CTNND2: variants seen among roughly 807,000 people sequenced by gnomAD.
CTNND2 encodes catenin delta-2.
CTNND2 carries 22 observed loss-of-function variants against 144.4 expected under a neutral mutation model. That is an observed-to-expected ratio of 0.15 (90% confidence interval 0.11 to 0.22). CTNND2 has a LOEUF of 0.22. CTNND2 is among the 10% of genes least tolerant of loss of function. CTNND2 has a pLI of 1.00. For missense variants in CTNND2, 1,353 were observed against 1,618.8 expected (o/e 0.84, Z 2.82); for synonymous variants, 751 against 695.6 (o/e 1.08, Z -1.25).
intron 3 of CTNND2, among the ~76,000 whole-genome samples, chr5:11,431,626 C>T (rs542814510): frequency 6.6e-6 from 1 of 152,124 alleles, no homozygotes; most frequent in South Asian, 2.1e-4. Flanking sequence ...GGGAAGCCCG[C>T]GTTAGCCAGG....
At chr5:11,175,449 A>C (rs1760388402) in intron 11 of CTNND2, among the ~76,000 whole-genome samples, 1 of 152,166 alleles carries the variant, frequency 6.6e-6, no homozygotes, top group Non-Finnish European at 1.5e-5. Context: ...CTTTACAGAA[A>C]TAGAATCCCA....
At chr5:11,038,659 G>C (rs1266844888) in intron 16 of CTNND2, among the ~76,000 whole-genome samples, 1 of 152,144 alleles carries the variant, frequency 6.6e-6, no homozygotes, top group African/African-American at 2.4e-5. Flanking sequence ...GGTGAACTTT[G>C]AATCTGAAAG....
At chr5:11,061,034 G>A (rs1746913091) in intron 16 of CTNND2, among the ~76,000 whole-genome samples, 5 of 151,996 alleles carry the variant, frequency 3.3e-5, no homozygotes, top group Non-Finnish European at 2.9e-5. Flanking sequence ...AATATTGTCG[G>A]CTTTCTACGT....
At chr5:11,782,694 T>G (rs1475487279) in intron 1 of CTNND2, among the ~76,000 whole-genome samples, 1 of 152,228 alleles carries the variant, frequency 6.6e-6, no homozygotes, top group African/African-American at 2.4e-5. Context: ...CTCTTTTCTT[T>G]TTGAACTGTC....
intron 16 of CTNND2, among the ~76,000 whole-genome samples, chr5:11,038,534 T>C (rs938288073): frequency 2.0e-4 from 31 of 152,312 alleles, no homozygotes; most frequent in African/African-American, 6.3e-4. Context: ...TTGGGGAACG[T>C]TGGCTTAGGG....
chr5:11,840,296 A>G (rs1158008876), intron 1 of CTNND2, among the ~76,000 whole-genome samples: 1 of 152,198 alleles, frequency 6.6e-6, no homozygotes, highest in Non-Finnish European at 1.5e-5. Context: ...AGTAGCATAA[A>G]TAATGTTTCT....
At chr5:11,045,130 C>T (rs1023939523) in intron 16 of CTNND2, among the ~76,000 whole-genome samples, 3 of 152,228 alleles carry the variant, frequency 2.0e-5, no homozygotes, top group African/African-American at 7.2e-5. Flanking sequence ...CTGGTGGCTC[C>T]TGACATTTAC....
At chr5:11,117,329 G>C in intron 13 of CTNND2, 121 bp downstream of exon 13, 2 of 753,028 alleles carry the variant, frequency 2.7e-6, no homozygotes, top group South Asian at 3.3e-5. Flanking sequence ...AAGGAAACCA[G>C]GAGAGAGTTC....
At chr5:11,425,426 A>T (rs749765831) in intron 3 of CTNND2, among the ~76,000 whole-genome samples, 24 of 152,162 alleles carry the variant, frequency 1.6e-4, no homozygotes, top group Non-Finnish European at 2.9e-4. Context: ...TATTTCCAGC[A>T]TTTAGCATCT....
chr5:11,475,684 C>A (rs932789736), intron 3 of CTNND2, among the ~76,000 whole-genome samples: 1 of 152,158 alleles, frequency 6.6e-6, no homozygotes, highest in African/African-American at 2.4e-5. Flanking sequence ...AATGCAGAGA[C>A]TGGCACAATG....
intron 9 of CTNND2, among the ~76,000 whole-genome samples, chr5:11,330,997 T>C (rs1753091254): frequency 6.6e-6 from 1 of 152,158 alleles, no homozygotes; most frequent in Admixed American, 6.5e-5. Flanking sequence ...ACTTCAGTCA[T>C]CTTCAAAACA....
rs74338031 is a variant in CTNND2 at position 11,457,943 on chromosome 5, G to A, written c.288-45874C>T. 7.7e-3 allele frequency among the ~76,000 whole-genome samples: 1,171 copies of A among 152,266 alleles called. 6 individuals are homozygous for A. The highest frequency in any genetic ancestry group is 0.012 in the Non-Finnish European group (842 of 68,024). ...GACGCAAGACACTGAAATCTTACTT[G>A]CATGGGCTCTGAAGTCTGACCCTTG... On this transcript the variant is annotated intron_variant, in intron 3 of 21. Transcript: ENST00000304623.
At chr5:11,072,400 C>A (rs1185363391) in intron 16 of CTNND2, among the ~76,000 whole-genome samples, 1 of 152,208 alleles carries the variant, frequency 6.6e-6, no homozygotes, top group Non-Finnish European at 1.5e-5. Flanking sequence ...AAATAAGCCA[C>A]TCTATGCTTC....
At chr5:11,578,503 A>T (rs1203190993) in intron 2 of CTNND2, among the ~76,000 whole-genome samples, 1 of 152,028 alleles carries the variant, frequency 6.6e-6, no homozygotes, top group Non-Finnish European at 1.5e-5. Context: ...TCTACTAAAA[A>T]TACAAAAATT....
intron 3 of CTNND2, among the ~76,000 whole-genome samples, chr5:11,552,910 G>C (rs899859929): frequency 1.3e-5 from 2 of 152,090 alleles, no homozygotes; most frequent in African/African-American, 4.8e-5. Context: ...CATGCATCTT[G>C]GTAAAAGCTT....
At chr5:11,338,217 T>TA (rs1286187400) in intron 9 of CTNND2, among the ~76,000 whole-genome samples, 1 of 152,192 alleles carries the variant, frequency 6.6e-6, no homozygotes, top group East Asian at 1.9e-4. Flanking sequence ...TTAGCTGCTA[T>TA]ATGTTGGCTC....
rs753288060 is a variant in CTNND2 at position 11,022,901 on chromosome 5, G to A, written c.2867C>T (p.Ser956Leu). ...GCAGACAGCTGTCACTGTGTCATCC[G>A]ACATGGCCTTGCTTGCAGTGTTGTT... ...NSNNTASKAMSDDTVTAVCCT... is the reference protein window; with the variant it reads ...NSNNTASKAMLDDTVTAVCCT... Residue 956 changes from serine to leucine, a missense_variant, in exon 17 of 22, where the codon TCG (serine) becomes TTG (leucine). By Grantham distance (145) the Ser-to-Leu change is moderately radical (BLOSUM62 -2). Around this residue, in one of 4 missense-constraint regions of CTNND2, gnomAD observed 459 missense variants for 674.3 expected, o/e 0.68. Transcript: ENST00000304623. 69 of 1,614,092 alleles carry A rather than the reference G, an allele frequency of 4.3e-5. No individual in the cohort carries two copies. The highest frequency in any genetic ancestry group is 5.2e-5 in the Non-Finnish European group (61 of 1,180,044).
rs561806452 is a variant in CTNND2, at chr5:11,420,638, C to G, written c.288-8569G>C. ...GTCCAGAATCACTGGTTTGGGTTGC[C>G]GAATAACTCCACTCTCCGCAGAATG... On this transcript the variant is annotated intron_variant, in intron 3 of 21. Coordinates refer to ENST00000304623, the MANE Select transcript of CTNND2 (RefSeq NM_001332.4). Among the ~76,000 whole-genome samples the G allele has an allele frequency of 5.9e-5, 9 of 152,226 alleles. No homozygotes were observed. In the South Asian group the frequency reaches 1.7e-3, roughly 28 times the overall value.
At chr5:11,255,868 G>A (rs154720) in intron 9 of CTNND2, among the ~76,000 whole-genome samples, 6,668 of 152,172 alleles carry the variant, frequency 0.044, 279 homozygotes, top group African/African-American at 0.11. Flanking sequence ...GTTTCCTAAT[G>A]GGCTCTGTTG....
Sources: gnomAD v4.1 joint callset for allele counts (sites outside exome capture counted in the v4.1 genomes callset) on GRCh38, gnomAD v4.1.1 for gene constraint, gnomAD v4.1.1 regional missense constraint, MANE v1.5 for transcripts, NCBI Gene and HGNC (gene_info 2026-07-23, HGNC 2026-07-21) for gene names.